TRIM34: variants seen among roughly 807,000 people sequenced by gnomAD.
The protein encoded by TRIM34 is E3 ubiquitin-protein ligase TRIM34.
Under a neutral mutation model 38.1 loss-of-function variants are expected in TRIM34, and 41 were observed. The ratio of observed to expected loss-of-function variants is 1.08; its 90% confidence interval spans 0.84 to 1.40. The LOEUF (loss-of-function observed/expected upper bound fraction) is 1.40, where lower values mean the gene tolerates loss of function less well. Among genes scored for constraint, TRIM34 ranks in the 40% most tolerant of loss-of-function variants. The pLI is 0.00. For synonymous variants in TRIM34, 200 were observed against 202.5 expected, an observed-to-expected ratio of 0.99 and a Z score of 0.10; for missense variants, 556 against 571.4, an observed-to-expected ratio of 0.97 and a Z score of 0.27.
intron 4 of TRIM34, among the ~76,000 whole-genome samples, chr11:5,638,914 T>G (rs1267146157): frequency 6.6e-6 from 1 of 152,196 alleles, no homozygotes; most frequent in African/African-American, 2.4e-5. Flanking sequence ...CAAAGTTTTT[T>G]TTTTCTGGTG....
intron 1 of TRIM34, among the ~76,000 whole-genome samples, chr11:5,629,848 C>T (rs1351203084): frequency 6.6e-6 from 1 of 152,202 alleles, no homozygotes; most frequent in Non-Finnish European, 1.5e-5. Context: ...GCTGGGACTA[C>T]AGGCGCCCGC....
At chr11:5,626,882 C>CA (rs145677485) in intron 1 of TRIM34, 11,590 of 127,922 alleles carry the variant, frequency 0.091, 590 homozygotes, top group East Asian at 0.18. Flanking sequence ...GACTCTGTCT[C>CA]AAAAAAAAAA....
chr11:5,640,808 C>T (rs1430867552), intron 4 of TRIM34, among the ~76,000 whole-genome samples: 2 of 152,132 alleles, frequency 1.3e-5, no homozygotes, highest in Non-Finnish European at 2.9e-5. Flanking sequence ...CTTTGAATTC[C>T]AACTTAATCT....
intron 2 of TRIM34, among the ~76,000 whole-genome samples, chr11:5,632,960 C>G (rs140971108): frequency 0.025 from 3,700 of 147,682 alleles, 134 homozygotes; most frequent in African/African-American, 0.083. Context: ...CCAAGTAGCT[C>G]GGATTACAGG....
In TRIM34 at chr11:5,643,463, G is replaced by T; in HGVS notation, c.1221G>T (p.Lys407Asn). 1 of 1,614,194 alleles carries T rather than the reference G, an allele frequency of 6.2e-7. No individual in the cohort carries two copies. Among genetic ancestry groups the T allele is most frequent in the South Asian group, 1.1e-5 (1 of 91,088 alleles). The change falls in exon 8 of 8, where the codon AAG (lysine) becomes AAT (asparagine). Residue 407 changes from lysine (K) to asparagine (N), a missense_variant. Lys to Asn is a moderately conservative substitution (Grantham distance 94). Transcript: ENST00000429814. Reference sequence around the variant, plus strand: ...TTATAGGGTTACAGAATAAATGTAAGTATGGTGTCTTTGAAGAGTCTTTGT... The same window carrying T: ...TTATAGGGTTACAGAATAAATGTAATTATGGTGTCTTTGAAGAGTCTTTGT... ...YWVIGLQNKC[K>N]YGVFEESLSS...
intron 1 of TRIM34, among the ~76,000 whole-genome samples, chr11:5,629,151 C>T (rs1849372456): frequency 1.3e-5 from 2 of 152,116 alleles, no homozygotes; most frequent in Non-Finnish European, 2.9e-5. Flanking sequence ...GTGGCATACA[C>T]CTGTAATCCC....
intron 4 of TRIM34, among the ~76,000 whole-genome samples, chr11:5,636,720 C>A (rs1849749712): frequency 1.3e-5 from 2 of 152,152 alleles, no homozygotes. Flanking sequence ...ATTGGTAGAT[C>A]AAAAATTATA....
rs988707775 is a variant in TRIM34 at position 5,643,851 on chromosome 11, G to A, written c.*142G>A. 1.1e-5 allele frequency: 13 copies of A among 1,168,160 alleles called. No homozygotes were observed. In the African/African-American group the frequency reaches 1.7e-4, roughly 15 times the overall value. The allele number at this position is 1,168,160 out of a possible 1,614,324, so 72.4% of individuals were successfully genotyped here. ...ATCCTTGAGATGTATGGTGTATTTG[G>A]CTTGAGTTATGAGAGATGCTTATTT... On this transcript the variant is annotated 3_prime_UTR_variant, in exon 8 of 8. Transcript: ENST00000429814.
At chr11:5,627,294 C>T (rs1343927905) in intron 1 of TRIM34, among the ~76,000 whole-genome samples, 8 of 151,990 alleles carry the variant, frequency 5.3e-5, no homozygotes, top group African/African-American at 1.9e-4. Flanking sequence ...GCAAGAGAAG[C>T]GCTTGAACCC....
intron 4 of TRIM34, among the ~76,000 whole-genome samples, chr11:5,638,599 C>A (rs963174056): frequency 6.6e-6 from 1 of 152,186 alleles, no homozygotes; most frequent in African/African-American, 2.4e-5. Context: ...TAAGGATGGA[C>A]TGGCTTGATA....
chr11:5,632,804 A>G (rs778223248), intron 2 of TRIM34, 50 bp downstream of exon 2: 23 of 1,496,280 alleles, frequency 1.5e-5, no homozygotes, highest in Non-Finnish European at 2.0e-5. Context: ...AGTTGGTGGA[A>G]AATCTCACCT....
At chr11:5,629,939 C>A (rs1047953480) in intron 1 of TRIM34, among the ~76,000 whole-genome samples, 1 of 152,126 alleles carries the variant, frequency 6.6e-6, no homozygotes, top group East Asian at 1.9e-4. Flanking sequence ...ATCTCCTTAC[C>A]TCGTGATCCG....
chr11:5,641,441 C>T, intron 5 of TRIM34: 2 of 918,062 alleles, frequency 2.2e-6, no homozygotes, highest in Non-Finnish European at 3.0e-6. Context: ...AGGATGAGAG[C>T]TTTTACTGTC....
chr11:5,642,684 G>A, intron 6 of TRIM34, 133 bp from the exon 7 acceptor site: 1 of 1,330,888 alleles, frequency 7.5e-7, no homozygotes, highest in Non-Finnish European at 9.8e-7. Flanking sequence ...TAGGTCTCTG[G>A]TTTATCTTTT....
At position 5,643,827 on chromosome 11, in the gene TRIM34, T is replaced by A; in HGVS notation, c.*118T>A. ...TTCCCTTCTTTAGAACTTTTACTCA[T>A]CCTTGAGATGTATGGTGTATTTGGC... On this transcript the variant is annotated 3_prime_UTR_variant, in exon 8 of 8. Transcript: ENST00000429814. 7.6e-7 allele frequency: 1 copy of A among 1,315,778 alleles called. No individual in the cohort carries two copies. The highest frequency in any genetic ancestry group is 1.0e-6 in the Non-Finnish European group (1 of 965,396). 81.5% of individuals were successfully genotyped at this position (1,315,778 alleles called of 1,614,324 possible).
intron 4 of TRIM34, among the ~76,000 whole-genome samples, chr11:5,637,115 G>T (rs972939371): frequency 8.5e-5 from 13 of 152,198 alleles, no homozygotes; most frequent in African/African-American, 3.1e-4. Flanking sequence ...GGAGCTTGCA[G>T]TGAGCCAAGA....
chr11:5,632,166 T>C, intron 1 of TRIM34, 89 bp from the exon 2 acceptor site: 1 of 1,495,422 alleles, frequency 6.7e-7, no homozygotes, highest in Non-Finnish European at 8.9e-7. Flanking sequence ...TTCTTTGATA[T>C]TGCAGTCTCG....
chr11:5,643,323 T>C lies in TRIM34; in HGVS notation c.1081T>C (p.Trp361Arg). Reference sequence around the variant, plus strand: ...AGTGGACGTGTCCAAGAAAACTGCCTGGATCCTGGGGGTATACTGTAGAAC... The same window carrying C: ...AGTGGACGTGTCCAAGAAAACTGCCCGGATCCTGGGGGTATACTGTAGAAC... ...WEVDVSKKTA[W>R]ILGVYCRTYS... Residue 361 changes from tryptophan (W) to arginine (R), a missense_variant, in exon 8 of 8, where the codon TGG becomes CGG. Trp to Arg is a moderately radical substitution (Grantham distance 101). Transcript: ENST00000429814. The C allele has an allele frequency of 1.9e-6, 3 of 1,613,986 alleles. No individual in the cohort carries two copies. The highest frequency in any genetic ancestry group is 1.3e-5 in the African/African-American group (1 of 75,018).
intron 5 of TRIM34, 78 bp from the exon 6 acceptor site, chr11:5,642,328 G>A: frequency 1.5e-6 from 2 of 1,310,778 alleles, no homozygotes; most frequent in Non-Finnish European, 2.2e-6. Flanking sequence ...GTGATGTGAA[G>A]GAGATGAAAC....
Sources: allele counts gnomAD v4.1 joint callset (sites outside exome capture counted in the v4.1 genomes callset), GRCh38; gene constraint gnomAD v4.1.1; transcripts MANE v1.5; gene names NCBI Gene and HGNC (gene_info 2026-07-23, HGNC 2026-07-21).